Variants in TRPM2 observed in about 807,000 individuals in gnomAD.
TRPM2 encodes the protein estrogen-responsive element-associated gene 1 protein.
In TRPM2, 161 loss-of-function variants were observed where a neutral mutation model predicts 174.0. The ratio of observed to expected loss-of-function variants is 0.93; its 90% CI spans 0.81 to 1.05. The LOEUF (loss-of-function observed/expected upper bound fraction) is 1.05, where lower values mean the gene tolerates loss of function less well. Ranked by LOEUF, TRPM2 falls within the 50% of genes least tolerant of loss-of-function variation. TRPM2 has a pLI of 0.00. For synonymous variants in TRPM2, 954 were observed against 861.3 expected (o/e 1.11, Z -1.88); for missense variants, 2,057 against 2,038.0 (o/e 1.01, Z -0.18).
intron 2 of TRPM2, among the ~76,000 whole-genome samples, chr21:44,357,958 G>C (rs2048105361): frequency 6.6e-6 from 1 of 152,222 alleles, no homozygotes; most frequent in South Asian, 2.1e-4. Context: ...GGAGTGGATG[G>C]AATGTCCCTC....
intron 22 of TRPM2, among the ~76,000 whole-genome samples, chr21:44,419,662 A>ATGGTGGTGCTGG: frequency 2.3e-5 from 1 of 42,842 alleles, no homozygotes; most frequent in Non-Finnish European, 5.0e-5. Flanking sequence ...GGTGGTAGTG[A>ATGGTGGTGCTGG]TGGTGATGAT....
intron 12 of TRPM2, 36 bp downstream of exon 12, chr21:44,395,587 G>A (rs762066685): frequency 1.2e-6 from 2 of 1,611,172 alleles, no homozygotes; most frequent in South Asian, 2.2e-5. Flanking sequence ...AGCAGACACA[G>A]CTATAGGCCA....
intron 17 of TRPM2, 110 bp downstream of exon 17, chr21:44,405,370 G>T: frequency 6.7e-7 from 1 of 1,497,920 alleles, no homozygotes. Flanking sequence ...CAGCTCGTCT[G>T]TGAACCCTGG....
chr21:44,434,324 GTGGCAGGGACGC>G (rs1274953572), intron 27 of TRPM2, among the ~76,000 whole-genome samples: 2 of 150,976 alleles, frequency 1.3e-5, no homozygotes, highest in Non-Finnish European at 3.0e-5. Context: ...GGCGAGGACT[GTGGCAGGGACGC>G]TGGCAGGGAT....
At chr21:44,430,040 C>A (rs148401753) in intron 27 of TRPM2, among the ~76,000 whole-genome samples, 1 of 152,126 alleles carries the variant, frequency 6.6e-6, no homozygotes, top group African/African-American at 2.4e-5. Context: ...AGATGTTTCC[C>A]CTTTAGCCAA....
Position 44,399,309 on chromosome 21 carries a change from G to T in TRPM2, c.2076G>T (p.Glu692Asp), listed in dbSNP as rs767755773. 1 of 1,612,472 alleles carries T rather than the reference G, an allele frequency of 6.2e-7. No homozygotes were observed. The highest frequency in any genetic ancestry group is 1.1e-5 in the South Asian group (1 of 91,060). Residue 692 changes from glutamate (E) to aspartate (D), a missense_variant, in exon 14 of 32, where the codon GAG becomes GAT. Coordinates refer to ENST00000397928, the MANE Select transcript of TRPM2 (RefSeq NM_003307.4). The surrounding 1 kb of genome is among the most constrained non-coding windows in gnomAD (Gnocchi z 4.6). ...YEHRAIGVFT[E>D]CYRKDEERAQ... ...ATCTCCGCCCAGGGGTCTTCACCGA[G>T]TGCTACCGGAAGGACGAAGAGAGAG... is the stretch of plus-strand genomic sequence containing the variant.
upstream of TRPM2, chr21:44,353,435 T>C (rs1602106946): frequency 2.9e-6 from 1 of 340,562 alleles, no homozygotes; most frequent in East Asian, 5.4e-5. Context: ...CATGTGCATG[T>C]ACTCCCCCAG....
At chr21:44,374,083 T>C (rs2048624565) in intron 5 of TRPM2, among the ~76,000 whole-genome samples, 1 of 152,018 alleles carries the variant, frequency 6.6e-6, no homozygotes, top group African/African-American at 2.4e-5. Context: ...CGATCTTGGC[T>C]CACTGCAACC....
intron 22 of TRPM2, among the ~76,000 whole-genome samples, chr21:44,421,615 T>A (rs1281514662): frequency 6.6e-6 from 1 of 151,364 alleles, no homozygotes; most frequent in Non-Finnish European, 1.5e-5. Context: ...CTACAAAAAA[T>A]AAAAATAACA....
intron 28 of TRPM2, among the ~76,000 whole-genome samples, chr21:44,436,582 C>A (rs2051277934): frequency 7.8e-6 from 1 of 128,682 alleles, no homozygotes; most frequent in Admixed American, 7.7e-5. Context: ...CCATGTCACC[C>A]CCATGTCAAC....
chr21:44,362,364 A>AAAAAAAAAAT (rs2048237578), intron 2 of TRPM2, among the ~76,000 whole-genome samples: 2 of 150,688 alleles, frequency 1.3e-5, no homozygotes, highest in Non-Finnish European at 3.0e-5. Flanking sequence ...AAAAAAAAAA[A>AAAAAAAAAAT]AGCCAGATGT....
At position 44,442,043 on chromosome 21, in the gene TRPM2, C is replaced by A; in HGVS notation, c.*226C>A. On this transcript the variant is annotated 3_prime_UTR_variant, in exon 32 of 32. Coordinates refer to ENST00000397928, the MANE Select transcript of TRPM2 (RefSeq NM_003307.4). ...AGGAGAGCTCAAGACAGGGCACAGG[C>A]TACTCAGAGCTGAGGGGCCCCTGGG... 1 of 571,516 alleles carries A rather than the reference C, an allele frequency of 1.7e-6. No individual in the cohort carries two copies. The highest frequency in any genetic ancestry group is 2.7e-6 in the Non-Finnish European group (1 of 376,620). 35.4% of individuals were successfully genotyped at this position (571,516 alleles called of 1,614,324 possible).
At chr21:44,426,878 G>C in intron 26 of TRPM2, 132 bp from the exon 27 acceptor site, 1 of 1,333,494 alleles carries the variant, frequency 7.5e-7, no homozygotes, top group South Asian at 1.3e-5. Flanking sequence ...AAGGGGCCCA[G>C]CTCCTACTGT....
At chr21:44,406,806 G>A in intron 19 of TRPM2, 41 bp downstream of exon 19, 1 of 1,563,964 alleles carries the variant, frequency 6.4e-7, no homozygotes, top group Non-Finnish European at 8.6e-7. Flanking sequence ...GGTGCTGCCG[G>A]GAAGCAGGAG....
chr21:44,354,833 A>T lies in TRPM2; in HGVS notation c.254+97A>T, dbSNP rs976551360. 27 of 1,077,112 alleles carry T rather than the reference A, an allele frequency of 2.5e-5. No individual in the cohort carries two copies. In the African/African-American group the frequency reaches 4.2e-4, roughly 17 times the overall value. 66.7% of individuals were successfully genotyped at this position (1,077,112 alleles called of 1,614,324 possible). ...CCAAGACCCCTCAGGGCCTCAGTGA[A>T]GGGTCACTGGAGATACCTCTGTCTC... On this transcript the variant is annotated intron_variant, in intron 2 of 31. Transcript: ENST00000397928. The surrounding 1 kb of genome is among the most constrained non-coding windows in gnomAD (Gnocchi z 4.3).
rs1424416103 is a variant in TRPM2 at position 44,399,438 on chromosome 21, C to A, written c.2205C>A (p.Ile735=). 1 of 1,610,782 alleles carries A rather than the reference C, an allele frequency of 6.2e-7. No homozygotes were observed. The change falls in exon 14 of 32, where the codon ATC becomes ATA. Residue 735 remains isoleucine, a synonymous_variant. Transcript: ENST00000397928. The surrounding 1 kb of genome is among the most constrained non-coding windows in gnomAD (Gnocchi z 4.6). Reference sequence around the variant, plus strand: ...TGAAGTTTGTGTCTCACGGGGGCATCCAGGTGACCTCCCAAGAGCCCCTTC... The same window carrying A: ...TGAAGTTTGTGTCTCACGGGGGCATACAGGTGACCTCCCAAGAGCCCCTTC... ...KDMKFVSHGG[I]QAFLTKVWWG...
chr21:44,391,373 CACCTGGGACACCTTGCTCT>C lies in TRPM2; in HGVS notation c.1548_1566del (p.Trp516CysfsTer81). 6.2e-7 allele frequency: 1 copy of C among 1,614,206 alleles called. No individual in the cohort carries two copies. Among genetic ancestry groups the C allele is most frequent in the Non-Finnish European group, 8.5e-7 (1 of 1,180,056 alleles). The stretch of plus-strand genomic sequence containing the variant: ...ACGGGGTGCAGCTGAAGGAGTTTGT[CACCTGGGACACCTTGCTCT>C]ACCTGTACGAGAACCTGGACCCCTC... On this transcript the variant is annotated frameshift_variant, in exon 11 of 32. Coordinates refer to ENST00000397928, the MANE Select transcript of TRPM2 (RefSeq NM_003307.4). LOFTEE classifies it high-confidence loss of function. This position sits in a 1 kb window ranked among gnomAD's most constrained non-coding sequence, Gnocchi z 5.0.
chr21:44,353,988 G>A, intron 1 of TRPM2, 123 bp downstream of exon 1: 2 of 1,197,650 alleles, frequency 1.7e-6, no homozygotes, highest in East Asian at 3.0e-5. Flanking sequence ...GGGGGCTCCT[G>A]CCCAACCATA....
chr21:44,409,216 G>A (rs1020524299), intron 19 of TRPM2, among the ~76,000 whole-genome samples: 13 of 152,224 alleles, frequency 8.5e-5, no homozygotes, highest in East Asian at 1.9e-4. Flanking sequence ...AACCATTGCC[G>A]TGATTTATGC....
Sources: allele counts gnomAD v4.1 joint callset (sites outside exome capture counted in the v4.1 genomes callset), GRCh38; gene constraint gnomAD v4.1.1; non-coding constraint Gnocchi (gnomAD v3.1); transcripts MANE v1.5; gene names NCBI Gene and HGNC (gene_info 2026-07-23, HGNC 2026-07-21).